CDH13: variants seen among roughly 807,000 people sequenced by gnomAD.
The protein encoded by CDH13 is cadherin 13, also known as cadherin-13.
A neutral mutation model predicts 63.8 loss-of-function variants in CDH13; 24 were observed. The ratio of observed to expected loss-of-function variants is 0.38; its 90% CI spans 0.27 to 0.53. The LOEUF (loss-of-function observed/expected upper bound fraction) is 0.53. Ranked by LOEUF, CDH13 falls within the 20% of genes least tolerant of loss-of-function variation. The pLI, the probability that CDH13 is intolerant of heterozygous loss-of-function variation, is 0.85. For synonymous variants in CDH13, 503 were observed against 355.3 expected (o/e 1.42, Z -4.67); for missense variants, 1,049 against 903.1 (o/e 1.16, Z -2.07).
chr16:83,118,357 C>T (rs910699016), intron 3 of CDH13, among the ~76,000 whole-genome samples: 8 of 152,130 alleles, frequency 5.3e-5, no homozygotes, highest in African/African-American at 1.4e-4. Flanking sequence ...TACATCTGCT[C>T]GTGAGTGTGT....
intron 5 of CDH13, among the ~76,000 whole-genome samples, chr16:83,271,314 C>T (rs1186991496): frequency 6.7e-6 from 1 of 148,930 alleles, no homozygotes; most frequent in Admixed American, 6.8e-5. Flanking sequence ...GATAAGTGAT[C>T]AGGGCAGATC....
At chr16:83,539,904 C>A (rs940228177) in intron 7 of CDH13, among the ~76,000 whole-genome samples, 1 of 152,090 alleles carries the variant, frequency 6.6e-6, no homozygotes, top group African/African-American at 2.4e-5. Context: ...GGGATATCTC[C>A]CTGAGGGAGA....
At chr16:83,317,714 C>T (rs1052040554) in intron 5 of CDH13, among the ~76,000 whole-genome samples, 1 of 151,836 alleles carries the variant, frequency 6.6e-6, no homozygotes, top group Non-Finnish European at 1.5e-5. Flanking sequence ...GCAGGAGAAT[C>T]GCTTGAACCC....
intron 6 of CDH13, among the ~76,000 whole-genome samples, chr16:83,346,017 A>G (rs2090832154): frequency 6.6e-6 from 1 of 152,156 alleles, no homozygotes; most frequent in Admixed American, 6.5e-5. Flanking sequence ...CCAGGTGGAT[A>G]ATTGTATGCA....
At chr16:83,625,045 A>C (rs1910160536) in intron 8 of CDH13, among the ~76,000 whole-genome samples, 1 of 152,168 alleles carries the variant, frequency 6.6e-6, no homozygotes, top group Non-Finnish European at 1.5e-5. Context: ...ATTTAAGCAC[A>C]AAAATGGACA....
At chr16:83,209,156 G>A (rs1036177507) in intron 4 of CDH13, among the ~76,000 whole-genome samples, 2 of 152,170 alleles carry the variant, frequency 1.3e-5, no homozygotes, top group African/African-American at 4.8e-5. Context: ...GGCTGAACAG[G>A]AGAACCACAA....
intron 7 of CDH13, among the ~76,000 whole-genome samples, chr16:83,550,993 C>A (rs1200019411): frequency 6.6e-6 from 1 of 152,104 alleles, no homozygotes; most frequent in African/African-American, 2.4e-5. Flanking sequence ...TTGCATCTCC[C>A]AAGTAGTCTT....
rs1567513902 is a variant in CDH13 at position 83,216,417 on chromosome 16, T to TAA, written c.484-927_484-926insAA. On this transcript the variant is annotated intron_variant, in intron 4 of 13. Coordinates refer to ENST00000567109, the MANE Select transcript of CDH13 (RefSeq NM_001257.5). ...ATTGAAATATATATATATATATATATATATATATATATATATATATATATA... is the reference window on the plus strand; with the variant it reads ...ATTGAAATATATATATATATATATATAAATATATATATATATATATATATATA... 9.7e-5 allele frequency among the ~76,000 whole-genome samples: 9 copies of TAA among 92,558 alleles called. 1 individual carries two copies. Among genetic ancestry groups the TAA allele is most frequent in the East Asian group, 7.3e-4 (2 of 2,738 alleles). 60.7% of individuals were successfully genotyped at this position (92,558 alleles called of 152,430 possible).
chr16:83,627,773 C>T (rs1018201777), intron 8 of CDH13, among the ~76,000 whole-genome samples: 5 of 152,080 alleles, frequency 3.3e-5, no homozygotes, highest in East Asian at 1.9e-4. Context: ...AGAAAGAATT[C>T]GAGGCAAGTC....
intron 5 of CDH13, among the ~76,000 whole-genome samples, chr16:83,278,606 C>T (rs56059690): frequency 1.3e-5 from 2 of 152,204 alleles, no homozygotes; most frequent in Non-Finnish European, 2.9e-5. Context: ...GAAAAACTGT[C>T]TAAATCCGTT....
Position 83,478,133 on chromosome 16 carries a change from C to T in CDH13, c.782-8344C>T, listed in dbSNP as rs539491625. On this transcript the variant is annotated intron_variant, in intron 6 of 13. Transcript: ENST00000567109. The stretch of plus-strand genomic sequence containing the variant: ...CGAGATCACGCCACTGCACTCCAGC[C>T]TGGGCAACAGAGCAAGACTCCGTCT... 4.3e-4 allele frequency among the ~76,000 whole-genome samples: 64 copies of T among 149,676 alleles called. 1 individual carries two copies. The highest frequency in any genetic ancestry group is 1.6e-3 in the African/African-American group (63 of 40,564).
chr16:83,683,553 T>C (rs1294297709), intron 10 of CDH13, among the ~76,000 whole-genome samples: 5 of 152,234 alleles, frequency 3.3e-5, no homozygotes, highest in Non-Finnish European at 7.3e-5. Context: ...ATAGCCATTA[T>C]TTTTCGTCGC....
intron 1 of CDH13, among the ~76,000 whole-genome samples, chr16:82,854,185 G>A (rs1243775815): frequency 2.0e-5 from 3 of 152,056 alleles, no homozygotes; most frequent in Non-Finnish European, 4.4e-5. Context: ...GGATCACGAG[G>A]TCAGGATATC....
At position 83,632,598 on chromosome 16, in the gene CDH13, G is replaced by A. The variant is rs572958947; in HGVS notation, c.1101+30004G>A. ...TTATCCTCAAGTGCCCCACGGAGTA[G>A]TGACATTTTGTCACCATTGATGCTA... On this transcript the variant is annotated intron_variant, in intron 8 of 13. Coordinates refer to ENST00000567109, the MANE Select transcript of CDH13 (RefSeq NM_001257.5). 2.1e-4 allele frequency among the ~76,000 whole-genome samples: 31 copies of A among 151,162 alleles called. No homozygotes were observed. In the South Asian group the frequency reaches 6.6e-3, roughly 32 times the overall value.
intron 6 of CDH13, among the ~76,000 whole-genome samples, chr16:83,384,419 G>A (rs746514875): frequency 2.7e-4 from 41 of 152,132 alleles, no homozygotes; most frequent in African/African-American, 4.8e-4. Flanking sequence ...CTACCGAGGC[G>A]AATTTATGGA....
At chr16:83,634,625 T>C (rs1911093739) in intron 8 of CDH13, among the ~76,000 whole-genome samples, 1 of 152,106 alleles carries the variant, frequency 6.6e-6, no homozygotes, top group Non-Finnish European at 1.5e-5. Context: ...GGTCTTGAAC[T>C]CCTGACCTCA....
intron 1 of CDH13, among the ~76,000 whole-genome samples, chr16:82,792,748 A>G (rs775640088): frequency 3.3e-5 from 5 of 152,224 alleles, no homozygotes; most frequent in African/African-American, 4.8e-5. Context: ...ACACTCCAAA[A>G]TAGAAATGTA....
intron 5 of CDH13, among the ~76,000 whole-genome samples, chr16:83,256,808 G>A (rs1012114247): frequency 5.9e-4 from 82 of 138,198 alleles, no homozygotes; most frequent in African/African-American, 2.3e-3. Flanking sequence ...TCGCGCCACT[G>A]CACTCCAGCC....
Position 82,893,899 on chromosome 16 carries a change from C to G in CDH13, c.157+35426C>G, listed in dbSNP as rs886252089. Among the ~76,000 whole-genome samples the G allele has an allele frequency of 3.9e-5, 6 of 152,324 alleles. No individual in the cohort carries two copies. The South Asian group carries it at 6.2e-4, about 16-fold the overall frequency. On this transcript the variant is annotated intron_variant, in intron 2 of 13. Transcript: ENST00000567109. ...CCACTGGTCCAAGTGACATCATTCC[C>G]CCGTCCTCACTCCCAATACCACCAC... is the stretch of plus-strand genomic sequence containing the variant.
Sources: allele counts gnomAD v4.1 joint callset (sites outside exome capture counted in the v4.1 genomes callset), GRCh38; gene constraint gnomAD v4.1.1; transcripts MANE v1.5; gene names NCBI Gene and HGNC (gene_info 2026-07-23, HGNC 2026-07-21).